Variants in CYP2J2 observed in about 807,000 individuals in gnomAD.
CYP2J2 encodes the protein cytochrome P450 2J2.
A neutral mutation model predicts 48.8 loss-of-function variants in CYP2J2; 41 were observed. That is an observed-to-expected ratio of 0.84 (90% CI 0.66 to 1.09). CYP2J2 has a LOEUF of 1.09. Among genes scored for constraint, CYP2J2 ranks in the 50% least tolerant of loss-of-function variants. CYP2J2 has a pLI of 0.00. For synonymous variants in CYP2J2, 221 were observed against 227.1 expected (o/e 0.97, Z 0.24); for missense variants, 644 against 617.3 (o/e 1.04, Z -0.46).
intron 1 of CYP2J2, among the ~76,000 whole-genome samples, chr1:59,925,547 C>T (rs1644556351): frequency 6.6e-6 from 1 of 152,138 alleles, no homozygotes; most frequent in African/African-American, 2.4e-5. Flanking sequence ...TCTCCACATA[C>T]TTGGAAATTA....
Position 59,904,943 on chromosome 1 carries a change from G to A in CYP2J2, c.1119C>T (p.Gly373=). ...TGGGAACGTTCAGGGGGATGATGTT[G>A]CCCATTCTCTGCACCTCATGGATGA... The part of the protein sequence containing the change: ...NAVIHEVQRM[G]NIIPLNVPRE... Residue 373 remains glycine (G), a synonymous_variant, in exon 7 of 9, where the codon GGC becomes GGT. Coordinates refer to ENST00000371204, the MANE Select transcript of CYP2J2 (RefSeq NM_000775.4). 2 of 1,613,808 alleles carry A rather than the reference G, an allele frequency of 1.2e-6. No individual in the cohort carries two copies. Among genetic ancestry groups the A allele is most frequent in the Non-Finnish European group, 1.7e-6 (2 of 1,179,878 alleles).
the CYP2J2 span, among the ~76,000 whole-genome samples, chr1:59,943,800 A>G: frequency 1.7e-3 from 259 of 152,268 alleles, no homozygotes; most frequent in African/African-American, 5.9e-3. Flanking sequence ...GAATTTGCGG[A>G]GAAAAAATGA....
chr1:59,963,501 G>T, the CYP2J2 span, among the ~76,000 whole-genome samples: 201 of 152,268 alleles, frequency 1.3e-3, 1 homozygote, highest in African/African-American at 4.5e-3. Flanking sequence ...ATTCATCCAT[G>T]TTACAGCTTA....
chr1:59,962,068 T>C, the CYP2J2 span, among the ~76,000 whole-genome samples: 2 of 152,070 alleles, frequency 1.3e-5, no homozygotes, highest in Non-Finnish European at 2.9e-5. Flanking sequence ...ACTTTGGAAA[T>C]ATACCAAAAA....
chr1:59,905,730 T>A (rs1484304105), intron 6 of CYP2J2, among the ~76,000 whole-genome samples: 1 of 152,214 alleles, frequency 6.6e-6, no homozygotes, highest in Non-Finnish European at 1.5e-5. Flanking sequence ...TTAAGGATGT[T>A]TTGACATTCA....
chr1:59,936,028 A>G, the CYP2J2 span, among the ~76,000 whole-genome samples: 3 of 152,048 alleles, frequency 2.0e-5, no homozygotes, highest in Non-Finnish European at 4.4e-5. Context: ...TCAGCCTCCC[A>G]AAGTGCTGGA....
At chr1:59,968,892 G>A in the CYP2J2 span, among the ~76,000 whole-genome samples, 8 of 152,314 alleles carry the variant, frequency 5.3e-5, no homozygotes, top group South Asian at 4.1e-4. Context: ...TTAAGGTGGC[G>A]CACCTGGAGT....
At chr1:59,928,119 A>G (rs1644584115), upstream of CYP2J2, among the ~76,000 whole-genome samples, 1 of 152,174 alleles carries the variant, frequency 6.6e-6, no homozygotes, top group African/African-American at 2.4e-5. Flanking sequence ...ATAGTATTCT[A>G]TTACTATGCC....
chr1:59,935,462 ATATC>A, the CYP2J2 span, among the ~76,000 whole-genome samples: 2 of 152,328 alleles, frequency 1.3e-5, no homozygotes, highest in South Asian at 4.1e-4. Flanking sequence ...AAGCAGCTTG[ATATC>A]AGTAATCACT....
the CYP2J2 span, among the ~76,000 whole-genome samples, chr1:59,935,831 T>A: frequency 6.6e-6 from 1 of 152,222 alleles, no homozygotes; most frequent in African/African-American, 2.4e-5. Flanking sequence ...TGAAGTGCAA[T>A]GGCACGATCT....
At chr1:59,909,434 T>A (rs988301498) in intron 5 of CYP2J2, among the ~76,000 whole-genome samples, 1 of 152,080 alleles carries the variant, frequency 6.6e-6, no homozygotes, top group African/African-American at 2.4e-5. Context: ...AGAGAGAAAG[T>A]ATGTCAGGAT....
chr1:59,938,816 G>A, the CYP2J2 span, among the ~76,000 whole-genome samples: 1 of 152,328 alleles, frequency 6.6e-6, no homozygotes, highest in Non-Finnish European at 1.5e-5. Context: ...ATAAACCTTG[G>A]ACAATACCCG....
the CYP2J2 span, among the ~76,000 whole-genome samples, chr1:59,958,175 T>G: frequency 6.6e-6 from 1 of 152,168 alleles, no homozygotes; most frequent in East Asian, 1.9e-4. Context: ...GCTTTACTAC[T>G]CTGAACACTG....
At chr1:59,907,239 T>C (rs1250248395) in intron 6 of CYP2J2, among the ~76,000 whole-genome samples, 2 of 151,904 alleles carry the variant, frequency 1.3e-5, no homozygotes, top group Non-Finnish European at 2.9e-5. Flanking sequence ...GAGCTAGGAG[T>C]TTACTATGTA....
intron 2 of CYP2J2, chr1:59,912,687 G>A: frequency 5.6e-6 from 1 of 180,036 alleles, no homozygotes; most frequent in South Asian, 1.3e-4. Context: ...TCAATTTCAG[G>A]TCTGCCTTAT....
chr1:59,905,091 A>T, intron 6 of CYP2J2, 33 bp from the exon 7 acceptor site: 6 of 1,594,286 alleles, frequency 3.8e-6, no homozygotes, highest in East Asian at 2.2e-5. Flanking sequence ...ATTATTTTTT[A>T]AACTTTTATG....
chr1:59,937,463 AAT>A, the CYP2J2 span, among the ~76,000 whole-genome samples: 6 of 151,960 alleles, frequency 3.9e-5, no homozygotes, highest in African/African-American at 1.4e-4. Flanking sequence ...TTAAGGGAGT[AAT>A]TAGTGTTAGC....
At chr1:59,915,791 T>C (rs1408143494) in intron 2 of CYP2J2, 147 bp downstream of exon 2, 1 of 707,674 alleles carries the variant, frequency 1.4e-6, no homozygotes. Flanking sequence ...TCAGGAAATG[T>C]GAATATCCAG....
chr1:59,904,148 G>A (rs1316020525), intron 7 of CYP2J2, among the ~76,000 whole-genome samples: 1 of 152,098 alleles, frequency 6.6e-6, no homozygotes, highest in Non-Finnish European at 1.5e-5. Context: ...CGAGGTGGGT[G>A]GATCACGAGG....
Sources: gnomAD v4.1 joint callset for allele counts (sites outside exome capture counted in the v4.1 genomes callset) on GRCh38, gnomAD v4.1.1 for gene constraint, MANE v1.5 for transcripts, NCBI Gene and HGNC (gene_info 2026-07-23, HGNC 2026-07-21) for gene names.